The following ZBTB20 variants were observed in gnomAD, a reference collection of about 807,000 sequenced individuals.
The protein encoded by ZBTB20 is zinc finger and BTB domain-containing protein 20.
Under a neutral mutation model 56.9 loss-of-function variants are expected in ZBTB20, and 9 were observed. That is an observed-to-expected ratio of 0.16 (90% confidence interval 0.10 to 0.28). ZBTB20 has a LOEUF of 0.28. ZBTB20 is among the 10% of genes least tolerant of loss of function. The probability of loss-of-function intolerance (pLI) is 1.00; values close to 1 mark genes in which losing one functional copy is unlikely to be tolerated. For missense variants in ZBTB20, 655 were observed against 1,003.0 expected (o/e 0.65, Z 4.69); for synonymous variants, 417 against 420.7 (o/e 0.99, Z 0.11).
At chr3:114,885,258 T>C (rs1397368676) in intron 4 of ZBTB20, among the ~76,000 whole-genome samples, 1 of 152,212 alleles carries the variant, frequency 6.6e-6, no homozygotes, top group Non-Finnish European at 1.5e-5. Context: ...CTGTGTAACC[T>C]GTAATGATTT....
At chr3:114,666,264 T>C (rs1383932599) in intron 6 of ZBTB20, among the ~76,000 whole-genome samples, 1 of 152,028 alleles carries the variant, frequency 6.6e-6, no homozygotes, top group Non-Finnish European at 1.5e-5. Flanking sequence ...ATAATACACT[T>C]TCTACAATCA....
chr3:114,444,311 G>A (rs2091125471), intron 7 of ZBTB20, among the ~76,000 whole-genome samples: 1 of 152,144 alleles, frequency 6.6e-6, no homozygotes, highest in Admixed American at 6.6e-5. Flanking sequence ...AGGCTATGGA[G>A]GTCTGGGCAG....
chr3:114,967,594 A>G (rs561959026), intron 3 of ZBTB20, among the ~76,000 whole-genome samples: 5 of 151,936 alleles, frequency 3.3e-5, no homozygotes, highest in South Asian at 4.2e-4. Context: ...TCCTCAAGGG[A>G]AAAAAAAGGG....
intron 7 of ZBTB20, among the ~76,000 whole-genome samples, chr3:114,467,060 C>T (rs932675829): frequency 3.3e-5 from 5 of 152,152 alleles, no homozygotes; most frequent in Admixed American, 2.6e-4. Flanking sequence ...GCAAGGGAAA[C>T]AGAAAGAGTC....
chr3:114,697,785 G>A (rs1000869552), intron 5 of ZBTB20, among the ~76,000 whole-genome samples: 1 of 151,770 alleles, frequency 6.6e-6, no homozygotes. Flanking sequence ...ATAGGGAGAG[G>A]AAAAAATAGG....
intron 1 of ZBTB20, among the ~76,000 whole-genome samples, chr3:115,114,259 A>C (rs1357755855): frequency 1.3e-5 from 2 of 152,132 alleles, no homozygotes; most frequent in Non-Finnish European, 2.9e-5. Flanking sequence ...GTCATCTGAA[A>C]ATACAGTACT....
chr3:114,534,574 G>A (rs767516457), intron 6 of ZBTB20, among the ~76,000 whole-genome samples: 42 of 152,152 alleles, frequency 2.8e-4, no homozygotes, highest in Non-Finnish European at 4.1e-4. Flanking sequence ...ATATTAGACA[G>A]ATCAATGAGA....
intron 6 of ZBTB20, among the ~76,000 whole-genome samples, chr3:114,554,310 T>C (rs2050934158): frequency 6.6e-6 from 1 of 152,194 alleles, no homozygotes; most frequent in Non-Finnish European, 1.5e-5. Context: ...TGTAAGGAGA[T>C]GAGGTAATAT....
At chr3:115,085,983 G>A (rs1342109610) in intron 1 of ZBTB20, among the ~76,000 whole-genome samples, 1 of 151,840 alleles carries the variant, frequency 6.6e-6, no homozygotes, top group African/African-American at 2.4e-5. Flanking sequence ...TAAGAAAAAT[G>A]TACAAAAACG....
intron 6 of ZBTB20, among the ~76,000 whole-genome samples, chr3:114,530,763 G>A (rs1443459372): frequency 6.6e-6 from 1 of 152,002 alleles, no homozygotes; most frequent in African/African-American, 2.4e-5. Flanking sequence ...GACCTCTTTT[G>A]AGTCAAGTTT....
At chr3:115,091,033 A>G (rs1284746447) in intron 1 of ZBTB20, among the ~76,000 whole-genome samples, 1 of 151,980 alleles carries the variant, frequency 6.6e-6, no homozygotes, top group Non-Finnish European at 1.5e-5. Context: ...TCATCTTACT[A>G]TATAAGTTCA....
At chr3:115,120,864 T>C (rs2084164507) in intron 1 of ZBTB20, among the ~76,000 whole-genome samples, 1 of 151,912 alleles carries the variant, frequency 6.6e-6, no homozygotes. Context: ...AGTGATAAAA[T>C]GTAAAGTCTT....
intron 6 of ZBTB20, among the ~76,000 whole-genome samples, chr3:114,568,037 C>A (rs1577625108): frequency 6.6e-6 from 1 of 152,222 alleles, no homozygotes; most frequent in African/African-American, 2.4e-5. Context: ...AAGGTGTCAG[C>A]CTTCTGCAGA....
intron 4 of ZBTB20, among the ~76,000 whole-genome samples, chr3:114,894,927 C>G (rs1487880204): frequency 1.3e-5 from 2 of 152,028 alleles, no homozygotes; most frequent in East Asian, 3.8e-4. Context: ...TTAGGCAGGT[C>G]TGTATTACCT....
chr3:114,917,998 G>A (rs1274687968), intron 3 of ZBTB20, among the ~76,000 whole-genome samples: 2 of 152,116 alleles, frequency 1.3e-5, no homozygotes, highest in Non-Finnish European at 2.9e-5. Flanking sequence ...GATGGTTCCA[G>A]AGAGGCCCTC....
At position 115,034,967 on chromosome 3, in the gene ZBTB20, AC is replaced by A. The variant is rs879719674; in HGVS notation, c.-507+36251del. ...GCTAAAATTATTCAATGGGGAACAG[AC>A]AGTCTTTTCAATAAATAGTGATTGG... On this transcript the variant is annotated intron_variant, in intron 2 of 11. Coordinates refer to ENST00000675478, the MANE Select transcript of ZBTB20 (RefSeq NM_001348800.3). Among the ~76,000 whole-genome samples the A allele has an allele frequency of 1.3e-4, 20 of 152,222 alleles. No individual in the cohort carries two copies. In the East Asian group the frequency reaches 3.3e-3, roughly 25 times the overall value.
At chr3:114,396,766 T>C (rs2086368680) in intron 7 of ZBTB20, among the ~76,000 whole-genome samples, 1 of 152,300 alleles carries the variant, frequency 6.6e-6, no homozygotes, top group African/African-American at 2.4e-5. Flanking sequence ...GAATATTTCT[T>C]GAAATTTCTC....
At chr3:115,034,303 TA>T (rs1344886626) in intron 2 of ZBTB20, among the ~76,000 whole-genome samples, 1 of 151,570 alleles carries the variant, frequency 6.6e-6, no homozygotes, top group Non-Finnish European at 1.5e-5. Flanking sequence ...TCTGTTCACA[TA>T]TCATATGATC....
At chr3:114,706,687 G>A (rs1432200309) in intron 5 of ZBTB20, among the ~76,000 whole-genome samples, 1 of 152,038 alleles carries the variant, frequency 6.6e-6, no homozygotes, top group Admixed American at 6.6e-5. Flanking sequence ...AATAACTGCT[G>A]CAAGGTCACA....
Sources: gnomAD v4.1 joint callset for allele counts (sites outside exome capture counted in the v4.1 genomes callset) on GRCh38, gnomAD v4.1.1 for gene constraint, MANE v1.5 for transcripts, NCBI Gene and HGNC (gene_info 2026-07-23, HGNC 2026-07-21) for gene names.